Variants in DIAPH3 observed in about 807,000 individuals in gnomAD.
DIAPH3 encodes diaphanous related formin 3.
Under a neutral mutation model 144.3 loss-of-function variants are expected in DIAPH3, and 117 were observed. The observed-to-expected ratio is 0.81, with a 90% CI of 0.70 to 0.95. DIAPH3 has a LOEUF of 0.95. Ranked by LOEUF, DIAPH3 falls within the 40% of genes least tolerant of loss-of-function variation. The probability of loss-of-function intolerance (pLI) is 0.00; values close to 1 mark genes in which losing one functional copy is unlikely to be tolerated. For synonymous variants in DIAPH3, 519 were observed against 488.9 expected, an observed-to-expected ratio of 1.06 and a Z score of -0.81; for missense variants, 1,421 against 1,412.7, an observed-to-expected ratio of 1.01 and a Z score of -0.09.
chr13:59,836,611 C>T (rs984284033), intron 23 of DIAPH3, among the ~76,000 whole-genome samples: 1 of 151,682 alleles, frequency 6.6e-6, no homozygotes, highest in Admixed American at 6.6e-5. Flanking sequence ...TCATCGAGTG[C>T]TATTAGTAAA....
intron 1 of DIAPH3, chr13:60,153,453 A>G (rs935106983): frequency 6.6e-6 from 1 of 152,150 alleles, no homozygotes; most frequent in Non-Finnish European, 1.5e-5. Context: ...TGAAAAAGAT[A>G]ATGGTGTCCG....
chr13:59,691,487 C>T (rs1340035546), intron 27 of DIAPH3, among the ~76,000 whole-genome samples: 1 of 152,124 alleles, frequency 6.6e-6, no homozygotes. Context: ...GAACCATTTC[C>T]ATATGCTTGC....
intron 27 of DIAPH3, among the ~76,000 whole-genome samples, chr13:59,680,466 G>T (rs1190461537): frequency 1.3e-5 from 2 of 152,022 alleles, no homozygotes; most frequent in African/African-American, 2.4e-5. Flanking sequence ...GAGGTAGTTA[G>T]TACCCCAACA....
intron 22 of DIAPH3, among the ~76,000 whole-genome samples, chr13:59,853,239 T>C (rs2043080621): frequency 6.6e-6 from 1 of 152,322 alleles, no homozygotes; most frequent in African/African-American, 2.4e-5. Context: ...AAACACATTT[T>C]TAATTTTGCC....
intron 27 of DIAPH3, among the ~76,000 whole-genome samples, chr13:59,709,313 C>A (rs2034600389): frequency 6.6e-6 from 1 of 151,998 alleles, no homozygotes. Flanking sequence ...AGGCAACCTA[C>A]AAAATGGGAG....
At chr13:59,774,639 G>T in intron 26 of DIAPH3, 89 bp downstream of exon 26, 3 of 1,298,552 alleles carry the variant, frequency 2.3e-6, no homozygotes, top group South Asian at 2.4e-5. Context: ...CTGCATTCTT[G>T]ACACACAACT....
intron 1 of DIAPH3, among the ~76,000 whole-genome samples, chr13:60,140,028 G>C (rs2059391705): frequency 6.6e-6 from 1 of 152,154 alleles, no homozygotes; most frequent in African/African-American, 2.4e-5. Context: ...AGCATTTACA[G>C]TATTTGCTAT....
intron 20 of DIAPH3, among the ~76,000 whole-genome samples, chr13:59,892,507 A>C: frequency 6.6e-6 from 1 of 152,012 alleles, no homozygotes; most frequent in East Asian, 1.9e-4. Flanking sequence ...AGATTTATAA[A>C]ATGATGTGAA....
intron 27 of DIAPH3, among the ~76,000 whole-genome samples, chr13:59,729,687 G>A (rs1463042941): frequency 6.6e-6 from 1 of 151,862 alleles, no homozygotes; most frequent in African/African-American, 2.4e-5. Context: ...AATAAGACCT[G>A]TAGAATGTAC....
intron 27 of DIAPH3, among the ~76,000 whole-genome samples, chr13:59,698,993 T>G (rs2033958854): frequency 6.6e-6 from 1 of 152,252 alleles, no homozygotes; most frequent in African/African-American, 2.4e-5. Flanking sequence ...ACCCAATTAT[T>G]AATTCAACAG....
intron 17 of DIAPH3, among the ~76,000 whole-genome samples, chr13:59,940,933 T>G (rs1023225683): frequency 1.2e-4 from 19 of 152,172 alleles, no homozygotes; most frequent in Admixed American, 1.1e-3. Context: ...GCAGAGAAAG[T>G]AGAGCCAGAT....
chr13:59,932,738 T>C (rs1469121702), intron 17 of DIAPH3, among the ~76,000 whole-genome samples: 3 of 152,144 alleles, frequency 2.0e-5, no homozygotes, highest in Non-Finnish European at 2.9e-5. Flanking sequence ...CATATAGTCA[T>C]AGGATTGTTG....
chr13:59,790,403 T>C (rs1200786373), intron 25 of DIAPH3, among the ~76,000 whole-genome samples: 1 of 152,184 alleles, frequency 6.6e-6, no homozygotes, highest in Non-Finnish European at 1.5e-5. Context: ...TTAAAGCCCA[T>C]CTCACTGCTG....
intron 1 of DIAPH3, among the ~76,000 whole-genome samples, chr13:60,137,582 A>G (rs2059317840): frequency 2.0e-5 from 3 of 152,156 alleles, no homozygotes; most frequent in Admixed American, 2.0e-4. Context: ...TAGCAGGCCA[A>G]TGGAGCAAAG....
intron 20 of DIAPH3, among the ~76,000 whole-genome samples, 188 bp downstream of exon 20, chr13:59,911,547 C>T (rs953748909): frequency 6.6e-6 from 1 of 152,026 alleles, no homozygotes; most frequent in Non-Finnish European, 1.5e-5. Context: ...CACTTAATGC[C>T]AGAGTTTCAA....
chr13:59,931,272 T>C (rs974515909), intron 17 of DIAPH3, among the ~76,000 whole-genome samples: 4 of 152,212 alleles, frequency 2.6e-5, no homozygotes, highest in Non-Finnish European at 5.9e-5. Flanking sequence ...TTTCTCTTTT[T>C]GTGGCCAACA....
In DIAPH3 at chr13:59,909,903, A is replaced by G. The variant is rs138313441; in HGVS notation, c.2367+1832T>C. 3.9e-3 allele frequency among the ~76,000 whole-genome samples: 600 copies of G among 152,344 alleles called. 5 individuals are homozygous for G. Among genetic ancestry groups the G allele is most frequent in the African/African-American group, 0.014 (583 of 41,578 alleles). On this transcript the variant is annotated intron_variant, in intron 20 of 27. Transcript: ENST00000400324. ...CCTAAAAGTACACTTTTTGTAAATCAAAGCTCTTTGATGTGAATTCTTAAT... is the reference window on the plus strand; with the variant it reads ...CCTAAAAGTACACTTTTTGTAAATCGAAGCTCTTTGATGTGAATTCTTAAT...
rs2033258434 is a variant in DIAPH3, at chr13:59,687,100, G to C, written c.3320-20254C>G. ...ATCATGGGACATTAATTATGCAAAA[G>C]AAGGCAAAATGAATTTAATCAGAAG... On this transcript the variant is annotated intron_variant, in intron 27 of 27. Transcript: ENST00000400324. Among the ~76,000 whole-genome samples the C allele has an allele frequency of 2.0e-5, 3 of 152,246 alleles. No homozygotes were observed. The South Asian group carries it at 6.2e-4, about 32-fold the overall frequency.
chr13:59,929,095 A>G (rs932314523), intron 17 of DIAPH3, among the ~76,000 whole-genome samples: 11 of 152,322 alleles, frequency 7.2e-5, no homozygotes, highest in African/African-American at 2.4e-4. Context: ...CTCAAAGGTT[A>G]TGTTCAAAGG....
Sources: allele counts gnomAD v4.1 joint callset (sites outside exome capture counted in the v4.1 genomes callset), GRCh38; gene constraint gnomAD v4.1.1; transcripts MANE v1.5; gene names NCBI Gene and HGNC (gene_info 2026-07-23, HGNC 2026-07-21).